The following ARB2A variants were observed in gnomAD, a reference collection of about 807,000 sequenced individuals.
ARB2A encodes the protein ARB2 cotranscriptional regulator A, also known as cotranscriptional regulator ARB2A.
the ARB2A span, among the ~76,000 whole-genome samples, chr5:93,952,241 T>C: frequency 1.3e-5 from 2 of 152,184 alleles, no homozygotes; most frequent in Non-Finnish European, 2.9e-5. Context: ...GAAATTTATA[T>C]GGAACCACAA....
At chr5:93,660,700 A>C in the ARB2A span, among the ~76,000 whole-genome samples, 1 of 152,138 alleles carries the variant, frequency 6.6e-6, no homozygotes, top group African/African-American at 2.4e-5. Context: ...AGGTATGAAA[A>C]GCTGCTTTTT....
the ARB2A span, among the ~76,000 whole-genome samples, chr5:93,656,091 A>G: frequency 6.6e-6 from 1 of 152,176 alleles, no homozygotes; most frequent in Non-Finnish European, 1.5e-5. Flanking sequence ...GGCATGCAAT[A>G]AACATTTGTT....
the ARB2A span, chr5:93,740,721 G>C: frequency 3.5e-5 from 56 of 1,612,922 alleles, no homozygotes; most frequent in Non-Finnish European, 4.4e-5. Flanking sequence ...AAGGAGGCCC[G>C]GCTGTCCCCA....
chr5:94,106,605 C>G, the ARB2A span, among the ~76,000 whole-genome samples: 1 of 152,012 alleles, frequency 6.6e-6, no homozygotes, highest in Non-Finnish European at 1.5e-5. Flanking sequence ...TGCCATTCAA[C>G]TCAGCAATCC....
chr5:94,020,580 C>A, the ARB2A span, among the ~76,000 whole-genome samples: 2 of 152,110 alleles, frequency 1.3e-5, no homozygotes, highest in Non-Finnish European at 2.9e-5. Context: ...AATGGTTGTG[C>A]CTTCCTACTC....
chr5:93,770,617 T>A, the ARB2A span, among the ~76,000 whole-genome samples: 1 of 152,152 alleles, frequency 6.6e-6, no homozygotes, highest in African/African-American at 2.4e-5. Context: ...AGTCTCAGGA[T>A]ACAAAATCAA....
At chr5:94,072,418 G>A in the ARB2A span, among the ~76,000 whole-genome samples, 15 of 151,878 alleles carry the variant, frequency 9.9e-5, no homozygotes, top group Middle Eastern at 3.2e-3. Flanking sequence ...AATAATGACC[G>A]TGTTTTAGTT....
At chr5:93,846,480 C>A in the ARB2A span, among the ~76,000 whole-genome samples, 2 of 150,754 alleles carry the variant, frequency 1.3e-5, no homozygotes, top group Non-Finnish European at 3.0e-5. Flanking sequence ...CCAGCCTGGG[C>A]AACAGAGCAA....
the ARB2A span, among the ~76,000 whole-genome samples, chr5:93,870,812 A>G: frequency 6.6e-6 from 1 of 152,222 alleles, no homozygotes; most frequent in Non-Finnish European, 1.5e-5. Flanking sequence ...TTAAATCTCA[A>G]TCCATGAGTA....
chr5:93,777,457 T>C, the ARB2A span, among the ~76,000 whole-genome samples: 1 of 152,196 alleles, frequency 6.6e-6, no homozygotes, highest in Non-Finnish European at 1.5e-5. Context: ...TATATTCCTT[T>C]TATACATTTT....
the ARB2A span, among the ~76,000 whole-genome samples, chr5:94,078,019 C>A: frequency 1.3e-5 from 2 of 152,156 alleles, no homozygotes; most frequent in Non-Finnish European, 2.9e-5. Context: ...CAGTAGAATA[C>A]TTCTTATTTG....
At chr5:93,904,319 AC>A in the ARB2A span, among the ~76,000 whole-genome samples, 1 of 151,876 alleles carries the variant, frequency 6.6e-6, no homozygotes, top group African/African-American at 2.4e-5. Flanking sequence ...TTTTAAGTAG[AC>A]TAGATTAGAT....
At chr5:93,953,371 A>T in the ARB2A span, among the ~76,000 whole-genome samples, 1 of 152,182 alleles carries the variant, frequency 6.6e-6, no homozygotes, top group African/African-American at 2.4e-5. Flanking sequence ...TATCTGCATT[A>T]GGGGTCACCA....
At chr5:93,947,776 T>C in the ARB2A span, among the ~76,000 whole-genome samples, 1 of 149,996 alleles carries the variant, frequency 6.7e-6, no homozygotes, top group Non-Finnish European at 1.5e-5. Flanking sequence ...GTTTGGTTTT[T>C]TGTTCTTGCG....
At chr5:93,902,463 G>A in the ARB2A span, among the ~76,000 whole-genome samples, 1 of 152,172 alleles carries the variant, frequency 6.6e-6, no homozygotes, top group Non-Finnish European at 1.5e-5. Context: ...GCCAGGGCTT[G>A]AGATAGGGTA....
chr5:94,098,293 C>A, the ARB2A span, among the ~76,000 whole-genome samples: 1 of 152,130 alleles, frequency 6.6e-6, no homozygotes, highest in Non-Finnish European at 1.5e-5. Flanking sequence ...GTCTCTTGGA[C>A]CACAGCACAA....
At chr5:93,880,132 ATATAT>A in the ARB2A span, among the ~76,000 whole-genome samples, 1 of 151,812 alleles carries the variant, frequency 6.6e-6, no homozygotes, top group Non-Finnish European at 1.5e-5. Context: ...TTTTCAAATA[ATATAT>A]TAAATAGTGA....
At chr5:94,091,928 A>G in the ARB2A span, among the ~76,000 whole-genome samples, 1 of 152,172 alleles carries the variant, frequency 6.6e-6, no homozygotes, top group Non-Finnish European at 1.5e-5. Flanking sequence ...GTAAACCTTC[A>G]GAAAGTAGAC....
At chr5:93,834,317 A>G in the ARB2A span, among the ~76,000 whole-genome samples, 2 of 152,240 alleles carry the variant, frequency 1.3e-5, no homozygotes, top group Non-Finnish European at 2.9e-5. Flanking sequence ...TCAAAGCACA[A>G]TAACTGACAA....
Sources: gnomAD v4.1 joint callset for allele counts (sites outside exome capture counted in the v4.1 genomes callset) on GRCh38, gnomAD v4.1.1 for gene constraint, MANE v1.5 for transcripts, NCBI Gene and HGNC (gene_info 2026-07-23, HGNC 2026-07-21) for gene names.